Variants in LYPLAL1 observed in about 807,000 individuals in gnomAD.
The protein encoded by LYPLAL1 is lysophospholipase-like protein 1.
LYPLAL1 carries 23 observed loss-of-function variants against 19.7 expected under a neutral mutation model. The observed-to-expected ratio is 1.17, with a 90% CI of 0.84 to 1.65. The LOEUF (loss-of-function observed/expected upper bound fraction) is 1.65, where lower values mean the gene tolerates loss of function less well. Among genes scored for constraint, LYPLAL1 ranks in the 40% most tolerant of loss-of-function variants. The pLI is 0.00. For synonymous variants in LYPLAL1, 119 were observed against 96.3 expected (o/e 1.24, Z -1.38); for missense variants, 355 against 279.4 (o/e 1.27, Z -1.93).
At chr1:219,349,464 A>G in the LYPLAL1 span, among the ~76,000 whole-genome samples, 6 of 152,362 alleles carry the variant, frequency 3.9e-5, no homozygotes, top group African/African-American at 1.2e-4. Context: ...AATTTGAAGC[A>G]TAAAATAAGG....
At chr1:219,440,018 C>CATATATATAT in the LYPLAL1 span, among the ~76,000 whole-genome samples, 1 of 98,584 alleles carries the variant, frequency 1.0e-5, no homozygotes, top group African/African-American at 5.0e-5. Flanking sequence ...TATATACACA[C>CATATATATAT]ACACACATAT....
At chr1:219,306,786 A>ATAGT in the LYPLAL1 span, among the ~76,000 whole-genome samples, 1 of 144,126 alleles carries the variant, frequency 6.9e-6, no homozygotes, top group East Asian at 2.2e-4. Flanking sequence ...AGATAGATAG[A>ATAGT]TACATAGACA....
At chr1:219,344,671 C>G in the LYPLAL1 span, among the ~76,000 whole-genome samples, 1 of 152,150 alleles carries the variant, frequency 6.6e-6, no homozygotes, top group Non-Finnish European at 1.5e-5. Flanking sequence ...TCATGTTTCT[C>G]CCCTGAGCCT....
chr1:219,243,202 A>G, the LYPLAL1 span, among the ~76,000 whole-genome samples: 2 of 152,216 alleles, frequency 1.3e-5, no homozygotes, highest in Non-Finnish European at 2.9e-5. Flanking sequence ...CAGAATGGTG[A>G]TCAATTTTGT....
chr1:219,287,836 A>G, the LYPLAL1 span, among the ~76,000 whole-genome samples: 1 of 152,084 alleles, frequency 6.6e-6, no homozygotes, highest in Non-Finnish European at 1.5e-5. Context: ...TGTTTTTGTG[A>G]TAGAGTTCTC....
chr1:219,299,006 G>C, the LYPLAL1 span, among the ~76,000 whole-genome samples: 3 of 152,156 alleles, frequency 2.0e-5, no homozygotes, highest in Admixed American at 6.5e-5. Context: ...ACTTTCACAA[G>C]AGACTTAATT....
the LYPLAL1 span, among the ~76,000 whole-genome samples, chr1:219,364,012 TAAAA>T: frequency 6.6e-6 from 1 of 152,014 alleles, no homozygotes; most frequent in Non-Finnish European, 1.5e-5. Flanking sequence ...TTCTCCCACT[TAAAA>T]AAGAAAGAAA....
At chr1:219,342,791 C>T in the LYPLAL1 span, among the ~76,000 whole-genome samples, 1 of 152,242 alleles carries the variant, frequency 6.6e-6, no homozygotes, top group African/African-American at 2.4e-5. Flanking sequence ...TGAGTTGACT[C>T]ATTGTTTTTC....
chr1:219,299,261 A>G, the LYPLAL1 span, among the ~76,000 whole-genome samples: 1 of 151,998 alleles, frequency 6.6e-6, no homozygotes, highest in Non-Finnish European at 1.5e-5. Flanking sequence ...TCCACAGATA[A>G]CCAATTGGAA....
the LYPLAL1 span, among the ~76,000 whole-genome samples, chr1:219,443,605 A>G: frequency 6.6e-6 from 1 of 152,170 alleles, no homozygotes; most frequent in Non-Finnish European, 1.5e-5. Flanking sequence ...AAGAACACAT[A>G]ACGAAAATAG....
chr1:219,217,118 AAATATTG>A (rs1322345941), downstream of LYPLAL1, among the ~76,000 whole-genome samples: 1 of 152,154 alleles, frequency 6.6e-6, no homozygotes, highest in Non-Finnish European at 1.5e-5. Flanking sequence ...CTTCACTTTG[AAATATTG>A]AATGTTTTAT....
the LYPLAL1 span, among the ~76,000 whole-genome samples, chr1:219,325,383 A>G: frequency 6.6e-6 from 1 of 152,140 alleles, no homozygotes; most frequent in Admixed American, 6.6e-5. Context: ...AAATTTTGAG[A>G]CATTGTCTAA....
At chr1:219,442,142 C>A in the LYPLAL1 span, among the ~76,000 whole-genome samples, 2 of 152,102 alleles carry the variant, frequency 1.3e-5, no homozygotes, top group African/African-American at 2.4e-5. Flanking sequence ...CAGCACAATA[C>A]AAAAGGTCCC....
chr1:219,181,732 A>C (rs75064426), intron 2 of LYPLAL1, among the ~76,000 whole-genome samples: 1 of 152,120 alleles, frequency 6.6e-6, no homozygotes, highest in East Asian at 1.9e-4. Context: ...AGTGGAGGTC[A>C]GTTAAGAGAG....
the LYPLAL1 span, among the ~76,000 whole-genome samples, chr1:219,221,409 T>C: frequency 6.6e-6 from 1 of 152,210 alleles, no homozygotes; most frequent in African/African-American, 2.4e-5. Flanking sequence ...AGGCTGGCTG[T>C]GTTCTTGATT....
At chr1:219,177,872 G>C (rs1459250805) in intron 1 of LYPLAL1, among the ~76,000 whole-genome samples, 8 of 152,098 alleles carry the variant, frequency 5.3e-5, no homozygotes, top group African/African-American at 1.9e-4. Context: ...GAACAGATTT[G>C]TCACGTTCCT....
intron 4 of LYPLAL1, among the ~76,000 whole-genome samples, chr1:219,210,893 CAT>C (rs758150199): frequency 2.5e-4 from 38 of 152,108 alleles, no homozygotes; most frequent in East Asian, 3.9e-4. Flanking sequence ...AAAGGATAAT[CAT>C]GTGTGTGGTT....
At chr1:219,221,687 A>G in the LYPLAL1 span, among the ~76,000 whole-genome samples, 1 of 152,208 alleles carries the variant, frequency 6.6e-6, no homozygotes, top group Non-Finnish European at 1.5e-5. Context: ...CCTTTGCCAG[A>G]GGCTCCCGTT....
At chr1:219,343,559 C>T in the LYPLAL1 span, among the ~76,000 whole-genome samples, 2 of 152,132 alleles carry the variant, frequency 1.3e-5, no homozygotes, top group South Asian at 4.1e-4. Flanking sequence ...ACTCTTTTTA[C>T]CACTTTCAAA....
Sources: allele counts gnomAD v4.1 joint callset (sites outside exome capture counted in the v4.1 genomes callset), GRCh38; gene constraint gnomAD v4.1.1; transcripts MANE v1.5; gene names NCBI Gene and HGNC (gene_info 2026-07-23, HGNC 2026-07-21).